The following SLC25A21 variants were observed in gnomAD, a reference collection of about 807,000 sequenced individuals.
SLC25A21 encodes solute carrier family 25 member 21.
A neutral mutation model predicts 43.8 loss-of-function variants in SLC25A21; 47 were observed. The ratio of observed to expected loss-of-function variants is 1.07; its 90% confidence interval spans 0.85 to 1.37. SLC25A21 has a LOEUF of 1.37. Among genes scored for constraint, SLC25A21 ranks in the 40% most tolerant of loss-of-function variants. The pLI is 0.00. For missense variants in SLC25A21, 352 were observed against 350.2 expected (o/e 1.00, Z -0.04); for synonymous variants, 131 against 121.3 (o/e 1.08, Z -0.52).
At chr14:36,760,679 A>T (rs1886120391) in intron 3 of SLC25A21, among the ~76,000 whole-genome samples, 2 of 152,172 alleles carry the variant, frequency 1.3e-5, no homozygotes, top group Admixed American at 6.5e-5. Context: ...CTGCACACAT[A>T]TTGTAACTTT....
chr14:36,936,250 G>GT (rs1002428863), intron 1 of SLC25A21, among the ~76,000 whole-genome samples: 1 of 152,158 alleles, frequency 6.6e-6, no homozygotes, highest in Non-Finnish European at 1.5e-5. Context: ...CTTCCTGACA[G>GT]TAAGGAATGG....
At chr14:37,148,212 G>A (rs997259968) in intron 1 of SLC25A21, among the ~76,000 whole-genome samples, 1 of 151,746 alleles carries the variant, frequency 6.6e-6, no homozygotes, top group Non-Finnish European at 1.5e-5. Context: ...CATTCAACTT[G>A]CCCGCAAATG....
At chr14:36,984,051 T>C (rs144136785) in intron 1 of SLC25A21, among the ~76,000 whole-genome samples, 32 of 152,262 alleles carry the variant, frequency 2.1e-4, no homozygotes, top group African/African-American at 7.2e-4. Flanking sequence ...ATTTGGATAA[T>C]AGGTTCACTA....
chr14:36,915,508 C>G (rs189679932), intron 1 of SLC25A21, among the ~76,000 whole-genome samples: 1,711 of 152,194 alleles, frequency 0.011, 31 homozygotes, highest in African/African-American at 0.039. Context: ...ATAATACTGT[C>G]CATCTTGTTA....
chr14:36,877,766 T>C (rs1221587781), intron 1 of SLC25A21, among the ~76,000 whole-genome samples: 1 of 151,974 alleles, frequency 6.6e-6, no homozygotes, highest in Non-Finnish European at 1.5e-5. Flanking sequence ...AAGAAGCACT[T>C]GAGCATTACA....
At chr14:36,682,179 TTTCTC>T (rs1470654479) in intron 9 of SLC25A21, among the ~76,000 whole-genome samples, 1 of 152,094 alleles carries the variant, frequency 6.6e-6, no homozygotes, top group African/African-American at 2.4e-5. Flanking sequence ...TCTTTTTTTT[TTTCTC>T]TCTCTCTCAT....
At chr14:36,749,732 TG>T (rs1183164753) in intron 3 of SLC25A21, among the ~76,000 whole-genome samples, 1 of 152,180 alleles carries the variant, frequency 6.6e-6, no homozygotes, top group Non-Finnish European at 1.5e-5. Flanking sequence ...TGCTGCGCCT[TG>T]CCTGGGATCC....
At chr14:37,170,324 G>A (rs1340304101) in intron 1 of SLC25A21, among the ~76,000 whole-genome samples, 2 of 152,264 alleles carry the variant, frequency 1.3e-5, no homozygotes, top group East Asian at 1.9e-4. Context: ...GTAAGACACC[G>A]TGCCTGGCCG....
intron 2 of SLC25A21, among the ~76,000 whole-genome samples, chr14:36,838,935 T>C (rs536985373): frequency 1.4e-4 from 21 of 152,324 alleles, no homozygotes; most frequent in African/African-American, 4.8e-4. Context: ...AGTATCATTA[T>C]CTTGTTCAAC....
chr14:36,992,872 T>G (rs1395323848), intron 1 of SLC25A21, among the ~76,000 whole-genome samples: 1 of 152,184 alleles, frequency 6.6e-6, no homozygotes, highest in Non-Finnish European at 1.5e-5. Flanking sequence ...TAATCCCATC[T>G]CTTAGTGTGG....
chr14:36,693,053 T>A (rs916110633), intron 7 of SLC25A21, among the ~76,000 whole-genome samples: 1 of 152,208 alleles, frequency 6.6e-6, no homozygotes, highest in Non-Finnish European at 1.5e-5. Flanking sequence ...TGCAACGCAG[T>A]CCTTCATTTC....
Position 36,680,166 on chromosome 14 carries a change from G to A in SLC25A21, c.*492C>T. 1.2e-6 allele frequency: 1 copy of A among 841,118 alleles called. No individual in the cohort carries two copies. The highest frequency in any genetic ancestry group is 6.1e-4 in the Middle Eastern group (1 of 1,646). The allele number at this position is 841,118 out of a possible 1,614,324, so 52.1% of individuals were successfully genotyped here. A position where few individuals can be genotyped will look rare whatever the true frequency, so the allele number is the denominator to read the frequency against. ...GTGCACTTTAAAAAATTTTTCTTGT[G>A]CTCTTTAAATATTATTTATGGAATA... On this transcript the variant is annotated 3_prime_UTR_variant, in exon 10 of 10. Transcript: ENST00000331299.
chr14:36,768,942 A>AAAC (rs1555326959), intron 3 of SLC25A21, among the ~76,000 whole-genome samples: 3 of 147,116 alleles, frequency 2.0e-5, no homozygotes, highest in African/African-American at 7.7e-5. Context: ...CCAAAAAAAA[A>AAAC]AAAAACAAAA....
At chr14:36,963,639 C>T (rs976598652) in intron 1 of SLC25A21, among the ~76,000 whole-genome samples, 1 of 152,126 alleles carries the variant, frequency 6.6e-6, no homozygotes, top group African/African-American at 2.4e-5. Context: ...ACCTTTAACC[C>T]TATCTGCAAC....
intron 3 of SLC25A21, among the ~76,000 whole-genome samples, chr14:36,801,692 T>C (rs865928467): frequency 2.0e-5 from 3 of 152,220 alleles, no homozygotes; most frequent in South Asian, 2.1e-4. Flanking sequence ...TATAATATTG[T>C]CTTTCAAAAT....
chr14:36,811,004 A>T (rs1366538342), intron 3 of SLC25A21, among the ~76,000 whole-genome samples: 2 of 151,866 alleles, frequency 1.3e-5, no homozygotes, highest in South Asian at 2.1e-4. Flanking sequence ...ATGAAGAGGG[A>T]TAGTTTCTAG....
At position 36,678,759 on chromosome 14, in the gene SLC25A21, T is replaced by C. The variant is rs1257991683; in HGVS notation, c.*1899A>G. The stretch of plus-strand genomic sequence containing the variant: ...GCTATTTATAATTTTTTTCTGGTTC[T>C]TGTATTTTAAAAAATCTAATATTAA... On this transcript the variant is annotated 3_prime_UTR_variant, in exon 10 of 10. Coordinates refer to ENST00000331299, the MANE Select transcript of SLC25A21 (RefSeq NM_030631.4). The C allele has an allele frequency of 4.5e-6, 5 of 1,110,950 alleles. No homozygotes were observed. In the East Asian group the frequency reaches 1.8e-4, roughly 40 times the overall value. The allele number at this position is 1,110,950 out of a possible 1,614,324, so 68.8% of individuals were successfully genotyped here. A position where few individuals can be genotyped will look rare whatever the true frequency, so the allele number is the denominator to read the frequency against.
intron 1 of SLC25A21, among the ~76,000 whole-genome samples, chr14:37,088,168 G>GT (rs1466623197): frequency 6.6e-6 from 1 of 152,078 alleles, no homozygotes; most frequent in Non-Finnish European, 1.5e-5. Flanking sequence ...TCTTAAAATT[G>GT]TATCTTTAGA....
chr14:36,843,758 T>C (rs1464387002), intron 2 of SLC25A21, among the ~76,000 whole-genome samples: 1 of 152,224 alleles, frequency 6.6e-6, no homozygotes, highest in Non-Finnish European at 1.5e-5. Context: ...AAAATTAGCA[T>C]TGGTACACAG....
Sources: gnomAD v4.1 joint callset for allele counts (sites outside exome capture counted in the v4.1 genomes callset) on GRCh38, gnomAD v4.1.1 for gene constraint, MANE v1.5 for transcripts, NCBI Gene and HGNC (gene_info 2026-07-23, HGNC 2026-07-21) for gene names.